Variants in GALNT17 observed in about 807,000 individuals in gnomAD.
The protein encoded by GALNT17 is UDP-GalNAc:polypeptide N-acetylgalactosaminyltransferase-like 3.
In GALNT17, 29 loss-of-function variants were observed where a neutral mutation model predicts 63.7. The observed-to-expected ratio is 0.46, with a 90% confidence interval of 0.34 to 0.62. The LOEUF (loss-of-function observed/expected upper bound fraction) is 0.62, where lower values mean the gene tolerates loss of function less well. Among genes scored for constraint, GALNT17 ranks in the 20% least tolerant of loss-of-function variants. The pLI is 0.01. For missense variants in GALNT17, 603 were observed against 799.6 expected, an observed-to-expected ratio of 0.75 and a Z score of 2.97; for synonymous variants, 305 against 318.3, an observed-to-expected ratio of 0.96 and a Z score of 0.45.
chr7:71,174,976 A>C (rs189032397), intron 1 of GALNT17, among the ~76,000 whole-genome samples: 66 of 152,326 alleles, frequency 4.3e-4, no homozygotes, highest in Non-Finnish European at 5.0e-4. Context: ...TCAAACATGC[A>C]TACAAGTAGG....
chr7:71,628,704 G>T (rs570131571), intron 6 of GALNT17, among the ~76,000 whole-genome samples: 3 of 150,896 alleles, frequency 2.0e-5, no homozygotes, highest in African/African-American at 7.3e-5. Flanking sequence ...GCTGAGGCAC[G>T]TGAATCACTT....
intron 6 of GALNT17, among the ~76,000 whole-genome samples, chr7:71,604,248 C>T (rs886253953): frequency 7.5e-5 from 9 of 120,304 alleles, no homozygotes; most frequent in African/African-American, 1.6e-4. Context: ...ATGCTAAGTG[C>T]GTATACGAGG....
intron 6 of GALNT17, among the ~76,000 whole-genome samples, chr7:71,632,823 G>A (rs1790471101): frequency 6.6e-6 from 1 of 151,944 alleles, no homozygotes; most frequent in African/African-American, 2.4e-5. Context: ...ATTTATCTTG[G>A]CCAGGCATGG....
chr7:71,208,831 A>T (rs1332680653), intron 1 of GALNT17, among the ~76,000 whole-genome samples: 1 of 152,136 alleles, frequency 6.6e-6, no homozygotes, highest in East Asian at 1.9e-4. Context: ...TTATGATATG[A>T]TATGGGCTTC....
chr7:71,365,995 G>C (rs950412523), intron 2 of GALNT17, among the ~76,000 whole-genome samples: 2 of 152,172 alleles, frequency 1.3e-5, no homozygotes, highest in Non-Finnish European at 2.9e-5. Context: ...GGGAGACAGT[G>C]ACAGATCATC....
In GALNT17 at chr7:71,423,871, G is replaced by A. The variant is rs144543494; in HGVS notation, c.962+2766G>A. 1.8e-4 allele frequency among the ~76,000 whole-genome samples: 27 copies of A among 152,250 alleles called. No individual in the cohort carries two copies. The East Asian group carries it at 5.0e-3, about 28-fold the overall frequency. ...CAGGAGGTCGAGGCTGTAGTGGGCT[G>A]TGATCACTCCTCTGCACTCCAGCCT... On this transcript the variant is annotated intron_variant, in intron 5 of 10. Transcript: ENST00000333538.
At chr7:71,259,031 T>A (rs151319843) in intron 1 of GALNT17, among the ~76,000 whole-genome samples, 20 of 152,228 alleles carry the variant, frequency 1.3e-4, no homozygotes, top group African/African-American at 4.6e-4. Flanking sequence ...CTCTTCTAGT[T>A]GTTTCTAATG....
rs116459077 is a variant in GALNT17 at position 71,664,954 on chromosome 7, G to T, written c.1081-457G>T. Among the ~76,000 whole-genome samples the T allele has an allele frequency of 2.6e-3, 400 of 152,200 alleles. 3 individuals carry two copies. The highest frequency in any genetic ancestry group is 9.4e-3 in the African/African-American group (391 of 41,500). The stretch of plus-strand genomic sequence containing the variant: ...CATGCTGCAGTAACAAACCAACCTT[G>T]AACTCTCATTGGCATTATTTATTTA... On this transcript the variant is annotated intron_variant, in intron 6 of 10. Coordinates refer to ENST00000333538, the MANE Select transcript of GALNT17 (RefSeq NM_022479.3).
At chr7:71,313,055 G>A (rs959176941) in intron 1 of GALNT17, among the ~76,000 whole-genome samples, 11 of 152,132 alleles carry the variant, frequency 7.2e-5, no homozygotes, top group African/African-American at 2.7e-4. Flanking sequence ...GCTGTAGTGA[G>A]CTATGATTCT....
intron 2 of GALNT17, among the ~76,000 whole-genome samples, chr7:71,365,177 C>A (rs1792480481): frequency 6.6e-6 from 1 of 152,178 alleles, no homozygotes; most frequent in South Asian, 2.1e-4. Flanking sequence ...AAGTGATCTG[C>A]CTGCCTCAGC....
intron 7 of GALNT17, among the ~76,000 whole-genome samples, chr7:71,668,576 G>T (rs951591461): frequency 4.4e-5 from 6 of 136,606 alleles, no homozygotes; most frequent in African/African-American, 1.6e-4. Flanking sequence ...AAAACAAAGA[G>T]TTAAAAGTTA....
chr7:71,587,917 C>T (rs1270494220), intron 6 of GALNT17, among the ~76,000 whole-genome samples: 1 of 152,166 alleles, frequency 6.6e-6, no homozygotes, highest in African/African-American at 2.4e-5. Context: ...GCTTAAGCAG[C>T]CACTTTGCAG....
At chr7:71,188,101 A>G (rs1788886858) in intron 1 of GALNT17, among the ~76,000 whole-genome samples, 1 of 152,224 alleles carries the variant, frequency 6.6e-6, no homozygotes, top group South Asian at 2.1e-4. Flanking sequence ...TAGTATATAT[A>G]TACCACAGTC....
intron 5 of GALNT17, among the ~76,000 whole-genome samples, chr7:71,527,807 T>A (rs187192417): frequency 6.6e-6 from 1 of 152,130 alleles, no homozygotes; most frequent in Non-Finnish European, 1.5e-5. Context: ...CACACGCATA[T>A]ACACACCATA....
chr7:71,496,723 G>A (rs1788101459), intron 5 of GALNT17, among the ~76,000 whole-genome samples: 1 of 150,948 alleles, frequency 6.6e-6, no homozygotes, highest in African/African-American at 2.4e-5. Flanking sequence ...TGAGTTCAGT[G>A]TTCTCAATTG....
chr7:71,199,522 T>TCATCCATCCATC (rs34691979), intron 1 of GALNT17, among the ~76,000 whole-genome samples: 23 of 142,792 alleles, frequency 1.6e-4, no homozygotes, highest in African/African-American at 6.0e-4. Context: ...CCCCATCCAT[T>TCATCCATCCATC]CATCCATCCA....
chr7:71,246,360 T>G (rs914770570), intron 1 of GALNT17, among the ~76,000 whole-genome samples: 5 of 151,590 alleles, frequency 3.3e-5, no homozygotes, highest in Admixed American at 3.3e-4. Context: ...TGACCTCAAA[T>G]GATCTGCCTG....
At chr7:71,452,769 G>T (rs903857168) in intron 5 of GALNT17, among the ~76,000 whole-genome samples, 1 of 152,274 alleles carries the variant, frequency 6.6e-6, no homozygotes, top group East Asian at 1.9e-4. Context: ...ATAAAAAGGG[G>T]CCTCTCTGGT....
intron 1 of GALNT17, among the ~76,000 whole-genome samples, chr7:71,235,159 G>A (rs1427694985): frequency 6.6e-6 from 1 of 151,858 alleles, no homozygotes; most frequent in Admixed American, 6.6e-5. Context: ...GCTGAGGCAG[G>A]AGAATCACTT....
Sources: gnomAD v4.1 joint callset for allele counts (sites outside exome capture counted in the v4.1 genomes callset) on GRCh38, gnomAD v4.1.1 for gene constraint, MANE v1.5 for transcripts, NCBI Gene and HGNC (gene_info 2026-07-23, HGNC 2026-07-21) for gene names.